CPNE7: variants seen among roughly 807,000 people sequenced by gnomAD.
The protein encoded by CPNE7 is copine-7.
A neutral mutation model predicts 66.5 loss-of-function variants in CPNE7; 78 were observed. The observed-to-expected ratio is 1.17, with a 90% CI of 0.98 to 1.42. The LOEUF (loss-of-function observed/expected upper bound fraction) is 1.42. Among genes scored for constraint, CPNE7 ranks in the 40% most tolerant of loss-of-function variants. The probability of loss-of-function intolerance (pLI) is 0.00; values close to 1 mark genes in which losing one functional copy is unlikely to be tolerated. For missense variants in CPNE7, 1,012 were observed against 776.6 expected (o/e 1.30, Z -3.60); for synonymous variants, 468 against 336.7 (o/e 1.39, Z -4.27).
At position 89,582,582 on chromosome 16, in the gene CPNE7, C is replaced by G. The variant is rs1257869838; in HGVS notation, c.358-1115C>G. ...GGGGCCTGGCCCGAGGCTCCCCCTCCCAGCACCCAGGACCCCTTTGCACCC... is the reference window on the plus strand; with the variant it reads ...GGGGCCTGGCCCGAGGCTCCCCCTCGCAGCACCCAGGACCCCTTTGCACCC... On this transcript the variant is annotated intron_variant, in intron 2 of 14. Transcript: ENST00000319518. Among the ~76,000 whole-genome samples the G allele has an allele frequency of 2.6e-5, 4 of 152,218 alleles. No homozygotes were observed. In the South Asian group the frequency reaches 8.3e-4, roughly 31 times the overall value.
rs1348160882 is a variant in CPNE7, at chr16:89,580,665, C to T, written c.357+2944C>T. ...ACATCCCATCACCCGTCACATGGAA[C>T]ATCCCATCACCCATCACACGGAACA... On this transcript the variant is annotated intron_variant, in intron 2 of 14. Coordinates refer to ENST00000319518, the MANE Select transcript of CPNE7 (RefSeq NM_153636.3). Among the ~76,000 whole-genome samples the T allele has an allele frequency of 2.2e-5, 3 of 137,138 alleles. No homozygotes were observed. In the East Asian group the frequency reaches 6.9e-4, roughly 32 times the overall value. 90.0% of individuals were successfully genotyped at this position (137,138 alleles called of 152,430 possible).
In CPNE7 at chr16:89,591,233, G is replaced by A. The variant is rs1450922362; in HGVS notation, c.1275G>A (p.Ala425=). ...PIISKVARVA[A]AEESTGKASQ... ...TCTCCAAGGTGGCACGCGTGGCGGC[G>A]GCCGAGGAGAGCACCGGGAAAGCCT... Residue 425 remains alanine, a synonymous_variant, in exon 13 of 15, where the codon GCG becomes GCA. Coordinates refer to ENST00000319518, the MANE Select transcript of CPNE7 (RefSeq NM_153636.3). The A allele has an allele frequency of 9.5e-6, 15 of 1,586,324 alleles. No individual in the cohort carries two copies. The highest frequency in any genetic ancestry group is 1.3e-5 in the African/African-American group (1 of 74,558).
chr16:89,590,035 C>A, intron 11 of CPNE7, 84 bp downstream of exon 11: 1 of 1,467,630 alleles, frequency 6.8e-7, no homozygotes, highest in Non-Finnish European at 9.4e-7. Flanking sequence ...CCAGGGAGCC[C>A]TGGCTGCCTG....
intron 11 of CPNE7, among the ~76,000 whole-genome samples, chr16:89,590,169 C>G (rs78152365): frequency 1.3e-5 from 2 of 152,302 alleles, no homozygotes; most frequent in South Asian, 2.1e-4. Context: ...GAGGCCAACT[C>G]CGTGTTCCTT....
At chr16:89,593,502 G>A (rs1249288212) in intron 13 of CPNE7, among the ~76,000 whole-genome samples, 1 of 151,620 alleles carries the variant, frequency 6.6e-6, no homozygotes, top group African/African-American at 2.4e-5. Flanking sequence ...ACAGGCGCCC[G>A]CCACCACGCC....
At chr16:89,578,496 ACACCTGTGAT>A (rs2058895770) in intron 2 of CPNE7, among the ~76,000 whole-genome samples, 1 of 152,076 alleles carries the variant, frequency 6.6e-6, no homozygotes, top group African/African-American at 2.4e-5. Context: ...GTGGTGGCTC[ACACCTGTGAT>A]CCCAGCACTG....
intron 6 of CPNE7, 56 bp from the exon 7 acceptor site, chr16:89,585,631 G>A (rs1597703218): frequency 1.3e-6 from 2 of 1,550,054 alleles, no homozygotes; most frequent in South Asian, 2.3e-5. Flanking sequence ...CTGGGCTCGG[G>A]TGGGAGGGTC....
chr16:89,596,489 C>G lies in CPNE7; in HGVS notation c.1545C>G (p.Ser515=). ...TGCGTTGTCCCATCCTCCAGGCATCCCCTGCGGCGCTGGCCAAGTGCGTGC... is the reference window on the plus strand; with the variant it reads ...TGCGTTGTCCCATCCTCCAGGCATCGCCTGCGGCGCTGGCCAAGTGCGTGC... ...FVPFRELKNA[S]PAALAKCVLA... is the part of the protein sequence containing the mutation. Residue 515 remains serine, a synonymous_variant, in exon 15 of 15, where the codon TCC becomes TCG. Transcript: ENST00000319518. 4 of 1,606,410 alleles carry G rather than the reference C, an allele frequency of 2.5e-6. No homozygotes were observed. Among genetic ancestry groups the G allele is most frequent in the Non-Finnish European group, 3.4e-6 (4 of 1,178,490 alleles).
intron 11 of CPNE7, among the ~76,000 whole-genome samples, chr16:89,590,722 C>T (rs1474010361): frequency 7.5e-6 from 1 of 133,956 alleles, no homozygotes; most frequent in Non-Finnish European, 1.6e-5. Flanking sequence ...CTACCTCTCT[C>T]AGTAGGTGGG....
chr16:89,576,201 A>C, intron 1 of CPNE7, 130 bp downstream of exon 1: 1 of 702,152 alleles, frequency 1.4e-6, no homozygotes, highest in Non-Finnish European at 2.0e-6. Context: ...GCTGGGGCTC[A>C]GCTCGGGGTC....
chr16:89,588,229 C>A (rs1193822272), intron 9 of CPNE7, among the ~76,000 whole-genome samples: 10 of 109,706 alleles, frequency 9.1e-5, no homozygotes, highest in Admixed American at 8.8e-5. Flanking sequence ...AGATACACGG[C>A]CCCCGTGTCA....
chr16:89,588,480 T>C (rs2059119362), intron 9 of CPNE7, among the ~76,000 whole-genome samples, 195 bp from the exon 10 acceptor site: 1 of 152,130 alleles, frequency 6.6e-6, no homozygotes, highest in African/African-American at 2.4e-5. Context: ...GCCTAGGGGC[T>C]GGCAGGTTTT....
intron 9 of CPNE7, among the ~76,000 whole-genome samples, chr16:89,587,330 G>GC (rs2059069355): frequency 0.088 from 3 of 34 alleles, 1 homozygote; most frequent in Non-Finnish European, 0.25. Flanking sequence ...TCAGTCCGTG[G>GC]CCCCGCCCCC....
At position 89,596,617 on chromosome 16, in the gene CPNE7, C is replaced by A. The variant is rs3751682; in HGVS notation, c.1673C>A (p.Pro558Gln). The change falls in exon 15 of 15, where the codon CCG (proline) becomes CAG (glutamine). Residue 558 changes from proline (P) to glutamine (Q), a missense_variant. Physicochemically the swap from Pro to Gln is moderately conservative, Grantham distance 76. Coordinates refer to ENST00000319518, the MANE Select transcript of CPNE7 (RefSeq NM_153636.3). ...PAGEASPGCTP is the reference protein window; with the variant it reads ...PAGEASPGCTQ The stretch of plus-strand genomic sequence containing the variant: ...GGAGAGGCCAGCCCAGGCTGCACAC[C>A]GTGAAGATGTGGAGGGCGTAGGGTG... 1.9e-6 allele frequency: 3 copies of A among 1,599,486 alleles called. No homozygotes were observed. Among genetic ancestry groups the A allele is most frequent in the South Asian group, 1.1e-5 (1 of 90,470 alleles).
intron 13 of CPNE7, among the ~76,000 whole-genome samples, chr16:89,594,390 AAGAG>A (rs1219565065): frequency 3.3e-5 from 5 of 152,152 alleles, no homozygotes; most frequent in South Asian, 2.1e-4. Context: ...AGGGCACAAA[AAGAG>A]AGCCTCTTGG....
At chr16:89,577,085 G>C (rs1341948394) in intron 1 of CPNE7, among the ~76,000 whole-genome samples, 1 of 152,200 alleles carries the variant, frequency 6.6e-6, no homozygotes, top group African/African-American at 2.4e-5. Flanking sequence ...GGCCCAGCTG[G>C]GTCTTGTCCT....
chr16:89,592,797 AT>A (rs1250375820), intron 13 of CPNE7, among the ~76,000 whole-genome samples: 6 of 121,808 alleles, frequency 4.9e-5, no homozygotes, highest in South Asian at 2.5e-4. Context: ...CATTGTAACC[AT>A]TTTTTTCTTT....
chr16:89,591,769 A>G (rs1443492615), intron 13 of CPNE7, among the ~76,000 whole-genome samples: 3 of 150,660 alleles, frequency 2.0e-5, no homozygotes, highest in Admixed American at 6.6e-5. Context: ...ATGTGATCCC[A>G]GCTCACTGCA....
chr16:89,591,881 A>G (rs1005177798), intron 13 of CPNE7, among the ~76,000 whole-genome samples: 2 of 150,836 alleles, frequency 1.3e-5, no homozygotes, highest in South Asian at 4.2e-4. Context: ...TTGTATTTTT[A>G]GTAGAGACGG....
Sources: allele counts gnomAD v4.1 joint callset (sites outside exome capture counted in the v4.1 genomes callset), GRCh38; gene constraint gnomAD v4.1.1; transcripts MANE v1.5; gene names NCBI Gene and HGNC (gene_info 2026-07-23, HGNC 2026-07-21).